DRC11: variants seen among roughly 807,000 people sequenced by gnomAD.
DRC11 encodes dynein regulatory complex subunit 11.
the DRC11 span, among the ~76,000 whole-genome samples, chr2:236,326,750 T>C: frequency 6.6e-6 from 1 of 152,242 alleles, no homozygotes; most frequent in East Asian, 1.9e-4. Flanking sequence ...TATTTAGCAC[T>C]AGATTTCCTA....
the DRC11 span, among the ~76,000 whole-genome samples, chr2:236,443,695 T>A: frequency 2.0e-5 from 3 of 152,202 alleles, no homozygotes; most frequent in African/African-American, 7.2e-5. This position sits in a 1 kb window ranked among gnomAD's most constrained non-coding sequence, Gnocchi z 4.4. Flanking sequence ...CGTGCAGATA[T>A]CTGTATAATA....
At chr2:236,371,436 G>A in the DRC11 span, among the ~76,000 whole-genome samples, 1 of 152,276 alleles carries the variant, frequency 6.6e-6, no homozygotes, top group Non-Finnish European at 1.5e-5. The surrounding 1 kb of genome is among the most constrained non-coding windows in gnomAD (Gnocchi z 5.1). Context: ...GGTGCTGAGA[G>A]CAGTGTGCTT....
the DRC11 span, among the ~76,000 whole-genome samples, chr2:236,353,619 C>T: frequency 1.3e-5 from 2 of 152,070 alleles, no homozygotes; most frequent in African/African-American, 2.4e-5. The surrounding 1 kb of genome is among the most constrained non-coding windows in gnomAD (Gnocchi z 5.0). Flanking sequence ...TTTTTTTCAG[C>T]TGATGTGTCT....
At chr2:236,376,505 TG>T in the DRC11 span, among the ~76,000 whole-genome samples, 1 of 152,224 alleles carries the variant, frequency 6.6e-6, no homozygotes, top group African/African-American at 2.4e-5. The surrounding 1 kb of genome is among the most constrained non-coding windows in gnomAD (Gnocchi z 5.7). Context: ...TGTCATTCAT[TG>T]GGGGTAATTT....
chr2:236,473,417 T>C, the DRC11 span, among the ~76,000 whole-genome samples: 1 of 152,206 alleles, frequency 6.6e-6, no homozygotes, highest in African/African-American at 2.4e-5. The surrounding 1 kb of genome is among the most constrained non-coding windows in gnomAD (Gnocchi z 4.8). Context: ...AAAAATAATT[T>C]AGAATACAGC....
At chr2:236,450,314 CT>C in the DRC11 span, among the ~76,000 whole-genome samples, 11,479 of 83,126 alleles carry the variant, frequency 0.14, 172 homozygotes, top group African/African-American at 0.16. Flanking sequence ...CTTTTCTTTT[CT>C]TTTTTTTTTT....
chr2:236,425,756 T>C, the DRC11 span, among the ~76,000 whole-genome samples: 13 of 152,036 alleles, frequency 8.6e-5, no homozygotes, highest in Non-Finnish European at 1.8e-4. Context: ...ACAGTAGTTT[T>C]ATAGCTTCTG....
the DRC11 span, among the ~76,000 whole-genome samples, chr2:236,466,017 GA>G: frequency 6.6e-6 from 1 of 151,504 alleles, no homozygotes; most frequent in Non-Finnish European, 1.5e-5. Context: ...TTATAGAAAA[GA>G]AAAATTTTAT....
the DRC11 span, among the ~76,000 whole-genome samples, chr2:236,410,689 A>G: frequency 7.3e-5 from 11 of 150,874 alleles, no homozygotes; most frequent in Non-Finnish European, 1.5e-4. Flanking sequence ...TACTGGTACC[A>G]AAACAGAGAC....
chr2:236,487,335 T>A, the DRC11 span, among the ~76,000 whole-genome samples: 10 of 152,198 alleles, frequency 6.6e-5, no homozygotes, highest in Non-Finnish European at 1.5e-4. Flanking sequence ...CAGACTCTTA[T>A]CCATCCTTCC....
At chr2:236,410,145 CCT>C in the DRC11 span, among the ~76,000 whole-genome samples, 1 of 151,398 alleles carries the variant, frequency 6.6e-6, no homozygotes, top group Admixed American at 6.6e-5. Flanking sequence ...GGGAGGATTC[CCT>C]CTTTTTCTAT....
At chr2:236,478,366 G>C in the DRC11 span, among the ~76,000 whole-genome samples, 1 of 152,074 alleles carries the variant, frequency 6.6e-6, no homozygotes, top group Admixed American at 6.5e-5. The surrounding 1 kb of genome is among the most constrained non-coding windows in gnomAD (Gnocchi z 5.9). Flanking sequence ...GTTTTCTCTT[G>C]TTATTGATTT....
the DRC11 span, among the ~76,000 whole-genome samples, chr2:236,472,046 C>G: frequency 6.6e-6 from 1 of 152,128 alleles, no homozygotes; most frequent in Non-Finnish European, 1.5e-5. The surrounding 1 kb of genome is among the most constrained non-coding windows in gnomAD (Gnocchi z 4.6). Flanking sequence ...AAAAATAAAA[C>G]CAGAGGTTCC....
the DRC11 span, among the ~76,000 whole-genome samples, chr2:236,386,386 C>G: frequency 6.6e-6 from 1 of 152,060 alleles, no homozygotes; most frequent in South Asian, 2.1e-4. Context: ...CTGGTTTAGT[C>G]TTGGGAGAAT....
the DRC11 span, among the ~76,000 whole-genome samples, chr2:236,375,947 G>T: frequency 3.3e-5 from 5 of 152,180 alleles, no homozygotes; most frequent in African/African-American, 9.6e-5. The surrounding 1 kb of genome is among the most constrained non-coding windows in gnomAD (Gnocchi z 4.2). Context: ...CTGAGAGGCT[G>T]CTGGGAACAG....
the DRC11 span, among the ~76,000 whole-genome samples, chr2:236,480,041 T>G: frequency 6.6e-6 from 1 of 150,514 alleles, no homozygotes; most frequent in Non-Finnish European, 1.5e-5. Context: ...TTTTTTTTCC[T>G]TTCAGAACTT....
At chr2:236,312,106 A>G in the DRC11 span, among the ~76,000 whole-genome samples, 2 of 152,218 alleles carry the variant, frequency 1.3e-5, no homozygotes, top group Non-Finnish European at 2.9e-5. Context: ...TCAAAAACCT[A>G]TCCTAAGATT....
the DRC11 span, among the ~76,000 whole-genome samples, chr2:236,436,056 C>T: frequency 3.9e-5 from 6 of 152,146 alleles, no homozygotes; most frequent in Non-Finnish European, 5.9e-5. Context: ...CCCACATGCA[C>T]ACCAACTCCA....
At chr2:236,351,879 G>C in the DRC11 span, among the ~76,000 whole-genome samples, 6 of 152,194 alleles carry the variant, frequency 3.9e-5, no homozygotes, top group African/African-American at 1.4e-4. This position sits in a 1 kb window ranked among gnomAD's most constrained non-coding sequence, Gnocchi z 7.3. Flanking sequence ...GAGGGGGTCA[G>C]TGCCAGCTGC....
Sources: gnomAD v4.1 joint callset for allele counts (sites outside exome capture counted in the v4.1 genomes callset) on GRCh38, gnomAD v4.1.1 for gene constraint, Gnocchi (gnomAD v3.1) non-coding constraint, MANE v1.5 for transcripts, NCBI Gene and HGNC (gene_info 2026-07-23, HGNC 2026-07-21) for gene names.